MCTP1: variants seen among roughly 807,000 people sequenced by gnomAD.
MCTP1 encodes multiple C2 and transmembrane domain containing 1, also known as multiple C2 and transmembrane domain-containing protein 1.
A neutral mutation model predicts 120.6 loss-of-function variants in MCTP1; 69 were observed. That is an observed-to-expected ratio of 0.57 (90% CI 0.47 to 0.70). The LOEUF (loss-of-function observed/expected upper bound fraction) is 0.70. MCTP1 is among the 30% of genes least tolerant of loss of function. MCTP1 has a pLI of 0.00. For synonymous variants in MCTP1, 529 were observed against 493.1 expected (o/e 1.07, Z -0.96); for missense variants, 1,203 against 1,248.8 (o/e 0.96, Z 0.55).
intron 1 of MCTP1, among the ~76,000 whole-genome samples, chr5:95,222,798 T>C (rs1020233428): frequency 6.6e-6 from 1 of 152,284 alleles, no homozygotes; most frequent in Non-Finnish European, 1.5e-5. Flanking sequence ...GTTTTATGTA[T>C]ATCTGTTCAC....
intron 1 of MCTP1, among the ~76,000 whole-genome samples, chr5:95,055,485 T>G (rs2152046563): frequency 6.6e-6 from 1 of 152,328 alleles, no homozygotes; most frequent in South Asian, 2.1e-4. Context: ...AAATATTAAC[T>G]GATTTAATCT....
chr5:95,059,955 A>G (rs1748495321), intron 1 of MCTP1, among the ~76,000 whole-genome samples: 1 of 152,168 alleles, frequency 6.6e-6, no homozygotes, highest in South Asian at 2.1e-4. Flanking sequence ...ACCCAATAAG[A>G]AGCAAGAAAT....
At chr5:95,042,476 A>T (rs1250470072) in intron 1 of MCTP1, among the ~76,000 whole-genome samples, 1 of 152,256 alleles carries the variant, frequency 6.6e-6, no homozygotes, top group East Asian at 1.9e-4. Flanking sequence ...CAATAGCCTG[A>T]TACATCATCT....
At chr5:94,927,786 A>C (rs890719083) in intron 6 of MCTP1, among the ~76,000 whole-genome samples, 10 of 152,158 alleles carry the variant, frequency 6.6e-5, no homozygotes, top group Non-Finnish European at 1.5e-4. Flanking sequence ...CGCCCTGCAG[A>C]CTTACAGAGT....
At chr5:95,104,580 C>A (rs1756961943) in intron 1 of MCTP1, among the ~76,000 whole-genome samples, 1 of 152,166 alleles carries the variant, frequency 6.6e-6, no homozygotes, top group Non-Finnish European at 1.5e-5. Flanking sequence ...GCACATAGGA[C>A]CCTTCTTGCC....
Position 94,775,870 on chromosome 5 carries a change from C to A in MCTP1, c.2610+3240G>T, listed in dbSNP as rs990753619. On this transcript the variant is annotated intron_variant, in intron 19 of 22. Transcript: ENST00000515393. ...GAAGGGTAAGTCTGTGGATCACAAA[C>A]CCTCACCTGAATAATGATTAGCTCT... Among the ~76,000 whole-genome samples the A allele has an allele frequency of 4.7e-5, 7 of 150,284 alleles. No homozygotes were observed. In the South Asian group the frequency reaches 1.3e-3, roughly 27 times the overall value.
chr5:94,783,530 G>A (rs1777015617), intron 18 of MCTP1, among the ~76,000 whole-genome samples: 1 of 151,922 alleles, frequency 6.6e-6, no homozygotes, highest in Admixed American at 6.6e-5. Context: ...TGACATGTTT[G>A]GTATTATTCT....
At chr5:94,867,318 C>T (rs1797007578) in intron 17 of MCTP1, 1 of 1,532,504 alleles carries the variant, frequency 6.5e-7, no homozygotes, top group Admixed American at 2.0e-5. Flanking sequence ...TAACTTACAA[C>T]ACAAAGGGAC....
intron 1 of MCTP1, among the ~76,000 whole-genome samples, chr5:95,159,217 C>T (rs1745457525): frequency 6.6e-6 from 1 of 152,156 alleles, no homozygotes; most frequent in African/African-American, 2.4e-5. Context: ...TATCATGTCT[C>T]CAGATATGCC....
At chr5:94,993,219 T>G (rs28706605) in intron 2 of MCTP1, among the ~76,000 whole-genome samples, 5,187 of 152,264 alleles carry the variant, frequency 0.034, 293 homozygotes, top group African/African-American at 0.12. Context: ...TAGAATCCTT[T>G]AAAATACTAA....
rs781627870 is a variant in MCTP1, at chr5:94,714,856, T to C, written c.2641A>G (p.Ile881Val). 3.1e-6 allele frequency: 5 copies of C among 1,612,122 alleles called. No homozygotes were observed. The South Asian group carries it at 5.5e-5, about 18-fold the overall frequency. The change falls in exon 20 of 23, where the codon ATC becomes GTC. Residue 881 changes from isoleucine to valine, a missense_variant. This residue lies in a region of MCTP1 where 740 missense variants were observed against 871.1 expected (regional missense o/e 0.85). Coordinates refer to ENST00000515393, the MANE Select transcript of MCTP1 (RefSeq NM_024717.7). Reference sequence around the variant, plus strand: ...ACACATACCTCCTGGATGGCATAGATTTTATTTATAAATCCCTTTTTTTCA... The same window carrying C: ...ACACATACCTCCTGGATGGCATAGACTTTATTTATAAATCCCTTTTTTTCA... Reference protein sequence around the residue: ...DSEKKGFINKIYAIQEVCVSV... With the variant: ...DSEKKGFINKVYAIQEVCVSV...
At chr5:95,056,215 C>T (rs1747351474) in intron 1 of MCTP1, among the ~76,000 whole-genome samples, 1 of 152,168 alleles carries the variant, frequency 6.6e-6, no homozygotes, top group South Asian at 2.1e-4. Flanking sequence ...AAATTATTAG[C>T]TCTTAATACA....
At chr5:95,119,639 G>T (rs941240085) in intron 1 of MCTP1, among the ~76,000 whole-genome samples, 4 of 151,752 alleles carry the variant, frequency 2.6e-5, no homozygotes, top group African/African-American at 9.7e-5. Flanking sequence ...CCAGGCTGAG[G>T]AAAAAAACAA....
At chr5:95,108,347 T>C (rs1757239186) in intron 1 of MCTP1, among the ~76,000 whole-genome samples, 1 of 151,846 alleles carries the variant, frequency 6.6e-6, no homozygotes, top group Non-Finnish European at 1.5e-5. Flanking sequence ...GGGCAGCTCC[T>C]TCCTGCTGGG....
chr5:95,243,958 G>A (rs1161548568), intron 1 of MCTP1, among the ~76,000 whole-genome samples: 1 of 152,158 alleles, frequency 6.6e-6, no homozygotes, highest in Non-Finnish European at 1.5e-5. Context: ...CTGGTGCCTC[G>A]CCTTTCACAT....
intron 1 of MCTP1, chr5:95,024,053 CT>C: frequency 2.2e-6 from 1 of 447,784 alleles, no homozygotes; most frequent in African/African-American, 2.0e-5. Context: ...TACGGATGGT[CT>C]TTTCCCTGTT....
chr5:95,261,006 A>G (rs1758422862), intron 1 of MCTP1, among the ~76,000 whole-genome samples: 1 of 152,202 alleles, frequency 6.6e-6, no homozygotes, highest in South Asian at 2.1e-4. Context: ...AAAATAACAC[A>G]TATTATGCAC....
chr5:95,117,906 C>T (rs149189493), intron 1 of MCTP1, among the ~76,000 whole-genome samples: 5 of 152,184 alleles, frequency 3.3e-5, no homozygotes, highest in South Asian at 2.1e-4. Context: ...AGCAAACTAA[C>T]GCAGGAGTAG....
intron 1 of MCTP1, among the ~76,000 whole-genome samples, chr5:95,123,928 C>T (rs899955212): frequency 1.4e-4 from 21 of 152,190 alleles, no homozygotes; most frequent in African/African-American, 5.1e-4. Context: ...GGATTACAGG[C>T]ATGAGCCACT....
Sources: allele counts gnomAD v4.1 joint callset (sites outside exome capture counted in the v4.1 genomes callset), GRCh38; gene constraint gnomAD v4.1.1; regional missense constraint gnomAD v4.1.1; transcripts MANE v1.5; gene names NCBI Gene and HGNC (gene_info 2026-07-23, HGNC 2026-07-21).